Variants in RAB38 observed in about 807,000 individuals in gnomAD.
RAB38 encodes ras-related protein Rab-38.
RAB38 carries 15 observed loss-of-function variants against 18.4 expected under a neutral mutation model. The observed-to-expected ratio is 0.82, with a 90% CI of 0.55 to 1.26. RAB38 has a LOEUF of 1.26. Ranked by LOEUF, RAB38 falls within the 50% of genes most tolerant of loss-of-function variation. The probability of loss-of-function intolerance (pLI) is 0.00; values close to 1 mark genes in which losing one functional copy is unlikely to be tolerated. For missense variants in RAB38, 294 were observed against 267.4 expected, an observed-to-expected ratio of 1.10 and a Z score of -0.69; for synonymous variants, 101 against 104.4, an observed-to-expected ratio of 0.97 and a Z score of 0.20.
the RAB38 span, among the ~76,000 whole-genome samples, chr11:87,929,978 G>A: frequency 2.0e-5 from 3 of 152,056 alleles, no homozygotes; most frequent in African/African-American, 4.8e-5. Flanking sequence ...TGGACATTTG[G>A]CTAGGTTCCA....
At chr11:88,028,485 A>T in the RAB38 span, among the ~76,000 whole-genome samples, 3 of 152,158 alleles carry the variant, frequency 2.0e-5, no homozygotes, top group Non-Finnish European at 4.4e-5. Flanking sequence ...CTTTGAAAAA[A>T]ATTTAGAAGA....
At chr11:87,878,204 C>CAT in the RAB38 span, among the ~76,000 whole-genome samples, 3,675 of 98,162 alleles carry the variant, frequency 0.037, 153 homozygotes, top group South Asian at 0.076. Flanking sequence ...ATGTGCTAAA[C>CAT]ATATATATAT....
Position 88,175,352 on chromosome 11 carries a change from C to G in RAB38, c.33G>C (p.Lys11Asn), listed in dbSNP as rs748770480. The G allele has an allele frequency of 6.2e-7, 1 of 1,614,086 alleles. No individual in the cohort carries two copies. The highest frequency in any genetic ancestry group is 1.3e-5 in the African/African-American group (1 of 74,954). The change falls in exon 1 of 3, where the codon AAG (lysine) becomes AAC (asparagine). Residue 11 changes from lysine to asparagine, a missense_variant. Transcript: ENST00000243662. MQAPHKEHLY[K>N]LLVIGDLGVG... ...CGCCCAGGTCGCCAATCACCAGCAACTTGTACAGGTGCTCCTTGTGCGGGG... is the reference window on the plus strand; with the variant it reads ...CGCCCAGGTCGCCAATCACCAGCAAGTTGTACAGGTGCTCCTTGTGCGGGG...
chr11:88,082,566 GA>G, the RAB38 span, among the ~76,000 whole-genome samples: 1 of 151,838 alleles, frequency 6.6e-6, no homozygotes, highest in Non-Finnish European at 1.5e-5. Context: ...CCCATCTCAA[GA>G]AAGAGCAACA....
chr11:88,160,090 T>A (rs889533315), intron 1 of RAB38, among the ~76,000 whole-genome samples: 7 of 151,782 alleles, frequency 4.6e-5, no homozygotes, highest in Non-Finnish European at 8.8e-5. Flanking sequence ...CCAACAAATG[T>A]CTACTATCCA....
chr11:88,086,024 T>C, the RAB38 span, among the ~76,000 whole-genome samples: 1 of 151,878 alleles, frequency 6.6e-6, no homozygotes, highest in African/African-American at 2.4e-5. Flanking sequence ...TTACTAACTG[T>C]ATGACTTTGA....
the RAB38 span, among the ~76,000 whole-genome samples, chr11:87,927,824 T>A: frequency 6.6e-6 from 1 of 151,952 alleles, no homozygotes; most frequent in African/African-American, 2.4e-5. Context: ...CCCAGCACTT[T>A]AGGAGGCTGA....
chr11:87,977,886 GTCATAGATTTACATATAA>G, the RAB38 span, among the ~76,000 whole-genome samples: 2 of 104,756 alleles, frequency 1.9e-5, no homozygotes, highest in African/African-American at 3.8e-5. Context: ...TAAAGATGTA[GTCATAGATTTACATATAA>G]TTATATACAT....
the RAB38 span, among the ~76,000 whole-genome samples, chr11:87,851,767 C>G: frequency 3.3e-5 from 5 of 152,114 alleles, no homozygotes; most frequent in Admixed American, 3.3e-4. Flanking sequence ...TTTCTGGGAA[C>G]TCTGCTACCT....
chr11:88,151,885 A>C (rs543773124), intron 1 of RAB38, among the ~76,000 whole-genome samples: 1 of 152,200 alleles, frequency 6.6e-6, no homozygotes, highest in Non-Finnish European at 1.5e-5. Context: ...CTGGAAAAAA[A>C]GAGTATTTTG....
At chr11:87,949,053 A>G in the RAB38 span, among the ~76,000 whole-genome samples, 2 of 152,128 alleles carry the variant, frequency 1.3e-5, no homozygotes, top group South Asian at 4.2e-4. Context: ...ATTGATTATT[A>G]CCTCACTTTC....
At chr11:88,174,620 C>CAAAA (rs60026669) in intron 1 of RAB38, among the ~76,000 whole-genome samples, 502 of 100,568 alleles carry the variant, frequency 5.0e-3, no homozygotes, top group Non-Finnish European at 6.6e-3. Context: ...AAGCAAAAAG[C>CAAAA]AAAAAAAAAA....
the RAB38 span, among the ~76,000 whole-genome samples, chr11:87,909,154 T>C: frequency 2.0e-5 from 3 of 152,020 alleles, no homozygotes; most frequent in African/African-American, 7.2e-5. Context: ...TTTTCTTCTT[T>C]ACCTCTGGGT....
chr11:88,159,152 T>C (rs1943158953), intron 1 of RAB38, among the ~76,000 whole-genome samples: 1 of 150,208 alleles, frequency 6.7e-6, no homozygotes. Context: ...CCAATAATGT[T>C]CAAGCCAAGA....
the RAB38 span, among the ~76,000 whole-genome samples, chr11:88,030,638 T>C: frequency 6.6e-6 from 1 of 152,128 alleles, no homozygotes; most frequent in South Asian, 2.1e-4. Flanking sequence ...ATGAAATGGA[T>C]AAATTCCTCA....
chr11:88,042,704 G>C, the RAB38 span, among the ~76,000 whole-genome samples: 2 of 152,206 alleles, frequency 1.3e-5, no homozygotes, highest in Non-Finnish European at 2.9e-5. Context: ...GTTTTCACTA[G>C]AGATCAAGCC....
At chr11:88,046,572 T>C in the RAB38 span, among the ~76,000 whole-genome samples, 2,928 of 152,268 alleles carry the variant, frequency 0.019, 97 homozygotes, top group African/African-American at 0.066. Context: ...CAGCTCCCAT[T>C]ACTTCAGTCA....
chr11:88,006,594 AATAT>A, the RAB38 span, among the ~76,000 whole-genome samples: 1 of 140,226 alleles, frequency 7.1e-6, no homozygotes, highest in African/African-American at 2.6e-5. Flanking sequence ...ATATGTATAT[AATAT>A]ATATACACAT....
At chr11:88,161,319 C>T (rs1330191752) in intron 1 of RAB38, among the ~76,000 whole-genome samples, 2 of 152,062 alleles carry the variant, frequency 1.3e-5, no homozygotes, top group Non-Finnish European at 2.9e-5. Flanking sequence ...TCTACTCCCA[C>T]TCTGTTCAAT....
Sources: gnomAD v4.1 joint callset for allele counts (sites outside exome capture counted in the v4.1 genomes callset) on GRCh38, gnomAD v4.1.1 for gene constraint, MANE v1.5 for transcripts, NCBI Gene and HGNC (gene_info 2026-07-23, HGNC 2026-07-21) for gene names.